The following WDFY3 variants were observed in gnomAD, a reference collection of about 807,000 sequenced individuals.
The protein encoded by WDFY3 is WD repeat and FYVE domain-containing protein 3.
A neutral mutation model predicts 409.6 loss-of-function variants in WDFY3; 66 were observed. The observed-to-expected ratio is 0.16, with a 90% CI of 0.13 to 0.20. WDFY3 has a LOEUF of 0.20. Ranked by LOEUF, WDFY3 falls within the 10% of genes least tolerant of loss-of-function variation. The probability of loss-of-function intolerance (pLI) is 1.00; values close to 1 mark genes in which losing one functional copy is unlikely to be tolerated. For missense variants in WDFY3, 3,031 were observed against 4,298.1 expected, an observed-to-expected ratio of 0.71 and a Z score of 8.24; for synonymous variants, 1,521 against 1,537.1, an observed-to-expected ratio of 0.99 and a Z score of 0.25.
chr4:84,669,621 T>C lies in WDFY3; in HGVS notation c.*3247A>G, dbSNP rs1202146800. 6.6e-6 allele frequency: 1 copy of C among 150,798 alleles called. No homozygotes were observed. Among genetic ancestry groups the C allele is most frequent in the African/African-American group, 2.5e-5 (1 of 40,800 alleles). 9.3% of individuals were successfully genotyped at this position (150,798 alleles called of 1,614,324 possible). On this transcript the variant is annotated 3_prime_UTR_variant, in exon 68 of 68. Coordinates refer to ENST00000295888, the MANE Select transcript of WDFY3 (RefSeq NM_014991.6). The stretch of plus-strand genomic sequence containing the variant: ...GTACCTGGACTATTGCATTTAATCA[T>C]GTATTGTAATTGTGTTACTCTACCT...
intron 23 of WDFY3, among the ~76,000 whole-genome samples, 189 bp from the exon 24 acceptor site, chr4:84,786,328 T>C (rs1747544430): frequency 6.6e-6 from 1 of 152,188 alleles, no homozygotes; most frequent in Admixed American, 6.5e-5. Context: ...AAAAGAAATC[T>C]AGTCATAGAG....
intron 3 of WDFY3, among the ~76,000 whole-genome samples, chr4:84,888,275 C>T (rs964107625): frequency 3.3e-5 from 5 of 152,076 alleles, no homozygotes; most frequent in Admixed American, 2.6e-4. Flanking sequence ...CATGGTGGCT[C>T]GTGCCTGTAA....
chr4:84,919,856 C>T (rs1769034313), intron 2 of WDFY3, among the ~76,000 whole-genome samples: 1 of 152,094 alleles, frequency 6.6e-6, no homozygotes, highest in Non-Finnish European at 1.5e-5. Flanking sequence ...TGAACTAATA[C>T]ACATAGTAAC....
At chr4:84,857,705 C>T (rs1019947251) in intron 4 of WDFY3, among the ~76,000 whole-genome samples, 42 of 152,092 alleles carry the variant, frequency 2.8e-4, no homozygotes, top group African/African-American at 9.9e-4. Context: ...CTTTCCCCAC[C>T]TCTTCTCACG....
rs1183686477 is a variant in WDFY3 at position 84,966,201 on chromosome 4, G to C, written c.-226+8C>G. On this transcript the variant is annotated splice_region_variant and intron_variant, in intron 1 of 67. Transcript: ENST00000295888. ...GCGGGGGGCGGGGAGGATGGCGGGG[G>C]TACTCACCTGAGGGCCGGCGGAGGG... 1 of 151,936 alleles carries C rather than the reference G, an allele frequency of 6.6e-6. No individual in the cohort carries two copies. Among genetic ancestry groups the C allele is most frequent in the African/African-American group, 2.4e-5 (1 of 41,430 alleles). 9.4% of individuals were successfully genotyped at this position (151,936 alleles called of 1,614,324 possible). A position where few individuals can be genotyped will look rare whatever the true frequency, so the allele number is the denominator to read the frequency against.
At chr4:84,816,984 T>A (rs1753390941) in intron 13 of WDFY3, among the ~76,000 whole-genome samples, 1 of 152,156 alleles carries the variant, frequency 6.6e-6, no homozygotes, top group South Asian at 2.1e-4. Flanking sequence ...TTGTTTGATA[T>A]CTACTAGAAT....
chr4:84,813,245 T>G (rs1421619258), intron 13 of WDFY3, among the ~76,000 whole-genome samples: 5 of 152,162 alleles, frequency 3.3e-5, no homozygotes, highest in South Asian at 2.1e-4. Flanking sequence ...TTTTCCCTAT[T>G]GGCTCTCAGC....
chr4:84,892,382 A>G (rs1765073070), intron 3 of WDFY3, among the ~76,000 whole-genome samples: 1 of 152,104 alleles, frequency 6.6e-6, no homozygotes, highest in Non-Finnish European at 1.5e-5. Context: ...GACTCTAAAA[A>G]AAAGTATTAG....
intron 47 of WDFY3, 28 bp downstream of exon 47, chr4:84,721,381 C>T (rs1578248614): frequency 6.2e-7 from 1 of 1,610,728 alleles, no homozygotes; most frequent in East Asian, 2.2e-5. Context: ...GAAGTATTTA[C>T]AATCCTTACT....
intron 19 of WDFY3, 54 bp from the exon 20 acceptor site, chr4:84,795,033 C>T (rs966805915): frequency 1.6e-6 from 2 of 1,267,908 alleles, no homozygotes; most frequent in African/African-American, 3.1e-5. Flanking sequence ...CTTCTCTTAA[C>T]ACTGTGCACT....
chr4:84,702,878 C>T (rs1004375858), intron 55 of WDFY3, among the ~76,000 whole-genome samples: 2 of 152,208 alleles, frequency 1.3e-5, no homozygotes, highest in Admixed American at 6.5e-5. Context: ...GGGCGGATCA[C>T]GAGGTCAGGA....
intron 50 of WDFY3, among the ~76,000 whole-genome samples, chr4:84,714,949 CA>C (rs770343929): frequency 0.068 from 4,993 of 73,008 alleles, 71 homozygotes; most frequent in South Asian, 0.099. Context: ...GACTCCGTCT[CA>C]AAAAAAAAAA....
rs17368018 is a variant in WDFY3 at position 84,691,741 on chromosome 4, T to C, written c.9094A>G (p.Ile3032Val). Residue 3032 changes from isoleucine to valine, a missense_variant, in exon 60 of 68, where the codon ATT (isoleucine) becomes GTT (valine). Physicochemically the swap from Ile to Val is conservative, Grantham distance 29. This residue lies in a region of WDFY3 where 152 missense variants were observed against 193.5 expected (regional missense o/e 0.79). Coordinates refer to ENST00000295888, the MANE Select transcript of WDFY3 (RefSeq NM_014991.6). ...ACCTTATTCTGTTCCACCGCAAGAA[T>C]ACCTTTATCTGTACATACGATTTGT... ...VGQIVCTDKG[I>V]LAVEQNKVLI... The C allele has an allele frequency of 0.011, 17,218 of 1,614,098 alleles. 119 individuals carry two copies. The highest frequency in any genetic ancestry group is 0.013 in the Middle Eastern group (80 of 6,062).
chr4:84,717,684 C>T (rs1285469688), intron 48 of WDFY3, among the ~76,000 whole-genome samples: 2 of 152,114 alleles, frequency 1.3e-5, no homozygotes, highest in Non-Finnish European at 2.9e-5. Context: ...AGGAAGATGC[C>T]TACAACTCAG....
intron 37 of WDFY3, among the ~76,000 whole-genome samples, chr4:84,742,862 C>A (rs918936825): frequency 1.3e-5 from 2 of 152,212 alleles, no homozygotes; most frequent in African/African-American, 4.8e-5. Context: ...CCTTCCTCCA[C>A]AGAAATTCTG....
At chr4:84,949,804 A>C (rs1773367109) in intron 1 of WDFY3, among the ~76,000 whole-genome samples, 1 of 152,202 alleles carries the variant, frequency 6.6e-6, no homozygotes, top group African/African-American at 2.4e-5. Context: ...TCGAAAACTC[A>C]AGGACAAAAG....
At chr4:84,774,689 T>C (rs1420240124) in intron 29 of WDFY3, 131 bp downstream of exon 29, 2 of 974,426 alleles carry the variant, frequency 2.1e-6, no homozygotes, top group South Asian at 2.1e-5. Flanking sequence ...GCGTCATAAA[T>C]ATTTTGAATC....
intron 2 of WDFY3, among the ~76,000 whole-genome samples, chr4:84,904,244 T>C (rs2150660496): frequency 6.6e-6 from 1 of 152,230 alleles, no homozygotes; most frequent in Non-Finnish European, 1.5e-5. Flanking sequence ...ATTCATTCAT[T>C]CATTCATTTA....
chr4:84,696,926 G>T, intron 56 of WDFY3, 103 bp from the exon 57 acceptor site: 1 of 972,834 alleles, frequency 1.0e-6, no homozygotes, highest in Non-Finnish European at 1.5e-6. Context: ...TTCAATACCA[G>T]AACGCTAAAA....
Sources: allele counts gnomAD v4.1 joint callset (sites outside exome capture counted in the v4.1 genomes callset), GRCh38; gene constraint gnomAD v4.1.1; regional missense constraint gnomAD v4.1.1; transcripts MANE v1.5; gene names NCBI Gene and HGNC (gene_info 2026-07-23, HGNC 2026-07-21).